Variants in AGBL1 observed in about 807,000 individuals in gnomAD.
AGBL1 encodes AGBL carboxypeptidase 1.
Under a neutral mutation model 118.9 loss-of-function variants are expected in AGBL1, and 130 were observed. That is an observed-to-expected ratio of 1.09 (90% CI 0.95 to 1.26). The LOEUF is 1.26. Ranked by LOEUF, AGBL1 falls within the 50% of genes most tolerant of loss-of-function variation. AGBL1 has a pLI of 0.00. For missense variants in AGBL1, 1,584 were observed against 1,298.1 expected (o/e 1.22, Z -3.38); for synonymous variants, 555 against 478.9 (o/e 1.16, Z -2.08).
rs1470124348 is a variant in AGBL1, at chr15:86,593,421, CCATGAGAG to C, written c.2994+38888_2994+38895del. On this transcript the variant is annotated intron_variant, in intron 21 of 22. Coordinates refer to ENST00000614907, the MANE Select transcript of AGBL1 (RefSeq NM_001386094.1). ...GGAGATACAGACAGCAGTTATTTAA[CCATGAGAG>C]CATATGGATATCTCCAGCTTAACAC... 8.6e-5 allele frequency among the ~76,000 whole-genome samples: 13 copies of C among 152,002 alleles called. No homozygotes were observed. The South Asian group carries it at 2.7e-3, about 32-fold the overall frequency.
At chr15:86,864,461 C>A (rs542922294) in intron 22 of AGBL1, among the ~76,000 whole-genome samples, 1 of 152,078 alleles carries the variant, frequency 6.6e-6, no homozygotes, top group Non-Finnish European at 1.5e-5. Flanking sequence ...AATTTTAATA[C>A]CTTCATGTCA....
rs1336419109 is a variant in AGBL1 at position 86,910,157 on chromosome 15, G to A, written c.*2863G>A. The A allele has an allele frequency of 6.6e-5, 10 of 152,228 alleles. No homozygotes were observed. The highest frequency in any genetic ancestry group is 6.5e-4 in the Admixed American group (10 of 15,284). 9.4% of individuals were successfully genotyped at this position (152,228 alleles called of 1,614,324 possible). ...AATGGGGGTGGCAGTTGTGGTAAAAGTCTACCAAAAGAAGGTCATAATTTG... is the reference window on the plus strand; with the variant it reads ...AATGGGGGTGGCAGTTGTGGTAAAAATCTACCAAAAGAAGGTCATAATTTG... On this transcript the variant is annotated 3_prime_UTR_variant, in exon 23 of 23. Transcript: ENST00000614907.
At chr15:86,357,808 G>A (rs1242594347) in intron 17 of AGBL1, among the ~76,000 whole-genome samples, 1 of 152,018 alleles carries the variant, frequency 6.6e-6, no homozygotes, top group Non-Finnish European at 1.5e-5. Flanking sequence ...AAATTAAAAA[G>A]TTGGCATTTC....
At chr15:86,952,059 C>G (rs972604416) in intron 23 of AGBL1, among the ~76,000 whole-genome samples, 7 of 151,912 alleles carry the variant, frequency 4.6e-5, no homozygotes, top group Non-Finnish European at 1.0e-4. Flanking sequence ...GGTGAAACCC[C>G]GTCTCTACTA....
chr15:86,429,934 G>A (rs1309476238), intron 18 of AGBL1, among the ~76,000 whole-genome samples: 3 of 152,170 alleles, frequency 2.0e-5, no homozygotes, highest in Non-Finnish European at 2.9e-5. Context: ...TTAGCCTGCA[G>A]TGATGAAGCT....
At chr15:86,696,290 T>A (rs1298228829) in intron 22 of AGBL1, among the ~76,000 whole-genome samples, 1 of 151,976 alleles carries the variant, frequency 6.6e-6, no homozygotes, top group Non-Finnish European at 1.5e-5. Context: ...TATTTAGGAT[T>A]GTGATATTTT....
chr15:86,124,629 G>A (rs1280439495), intron 1 of AGBL1, among the ~76,000 whole-genome samples: 1 of 152,106 alleles, frequency 6.6e-6, no homozygotes, highest in East Asian at 1.9e-4. Flanking sequence ...CTCTGATACT[G>A]ACCCATCAGG....
chr15:86,249,149 TG>T (rs914282846), intron 7 of AGBL1, among the ~76,000 whole-genome samples: 4 of 152,160 alleles, frequency 2.6e-5, no homozygotes, highest in African/African-American at 9.7e-5. Context: ...GTGATATAAG[TG>T]TTCCAGTATC....
At chr15:86,202,237 G>A (rs1309841460) in intron 5 of AGBL1, among the ~76,000 whole-genome samples, 2 of 152,198 alleles carry the variant, frequency 1.3e-5, no homozygotes, top group African/African-American at 2.4e-5. Flanking sequence ...AGGTTGCAGT[G>A]AGCCAAGACT....
chr15:86,081,229 G>A (rs1031324663), intron 1 of AGBL1, among the ~76,000 whole-genome samples: 21 of 152,096 alleles, frequency 1.4e-4, no homozygotes, highest in African/African-American at 5.1e-4. Context: ...ATTTTTAGTA[G>A]AGATGGGGTT....
At chr15:86,692,451 A>G in intron 22 of AGBL1, among the ~76,000 whole-genome samples, 1 of 152,024 alleles carries the variant, frequency 6.6e-6, no homozygotes, top group Admixed American at 6.6e-5. Flanking sequence ...TCACCTATGA[A>G]AGCTGGGGGC....
intron 21 of AGBL1, 37 bp downstream of exon 21, chr15:86,554,574 A>G: frequency 7.0e-7 from 1 of 1,421,852 alleles, no homozygotes; most frequent in South Asian, 1.6e-5. Flanking sequence ...CTTTCTGTCC[A>G]GCAACAATAC....
intron 18 of AGBL1, among the ~76,000 whole-genome samples, chr15:86,452,589 C>T (rs534462665): frequency 2.0e-5 from 3 of 152,290 alleles, no homozygotes; most frequent in Admixed American, 2.0e-4. Context: ...CCTATTTACA[C>T]CCTGTCACAT....
intron 19 of AGBL1, among the ~76,000 whole-genome samples, chr15:86,532,945 T>C (rs1194229557): frequency 2.2e-5 from 2 of 92,570 alleles, no homozygotes; most frequent in African/African-American, 1.1e-4. Flanking sequence ...CCTTACACCT[T>C]ATACAAAAAT....
intron 1 of AGBL1, chr15:86,107,755 A>G (rs1171186519): frequency 6.6e-6 from 1 of 152,176 alleles, no homozygotes; most frequent in Admixed American, 6.6e-5. Flanking sequence ...GAGGCGAGAA[A>G]CGGGAGGAGG....
intron 22 of AGBL1, among the ~76,000 whole-genome samples, chr15:86,765,391 A>G (rs2078082556): frequency 1.3e-5 from 2 of 152,036 alleles, no homozygotes; most frequent in African/African-American, 4.8e-5. Context: ...GCAAGTCAAC[A>G]GACAACTACA....
At chr15:86,248,743 G>C (rs1345351372) in intron 7 of AGBL1, among the ~76,000 whole-genome samples, 2 of 152,198 alleles carry the variant, frequency 1.3e-5, no homozygotes, top group Non-Finnish European at 2.9e-5. Context: ...TAGCAGAAGA[G>C]TGAGACACTA....
chr15:86,767,162 ATC>A (rs981789234), intron 22 of AGBL1, among the ~76,000 whole-genome samples: 1 of 151,976 alleles, frequency 6.6e-6, no homozygotes, highest in Non-Finnish European at 1.5e-5. Context: ...AGATTTTTGA[ATC>A]TATTTTTTAA....
chr15:86,127,728 G>T (rs2076765356), intron 1 of AGBL1, among the ~76,000 whole-genome samples: 1 of 152,184 alleles, frequency 6.6e-6, no homozygotes, highest in Non-Finnish European at 1.5e-5. Context: ...ATGTGACTGA[G>T]TTTTGATAAA....
Sources: allele counts gnomAD v4.1 joint callset (sites outside exome capture counted in the v4.1 genomes callset), GRCh38; gene constraint gnomAD v4.1.1; transcripts MANE v1.5; gene names NCBI Gene and HGNC (gene_info 2026-07-23, HGNC 2026-07-21).